Variants in ZPBP observed in about 807,000 individuals in gnomAD.
ZPBP encodes the protein zona pellucida binding protein, also known as zona pellucida-binding protein 1.
Under a neutral mutation model 44.8 loss-of-function variants are expected in ZPBP, and 26 were observed. That is an observed-to-expected ratio of 0.58 (90% confidence interval 0.43 to 0.81). ZPBP has a LOEUF of 0.81. ZPBP is among the 30% of genes least tolerant of loss of function. The pLI, the probability that ZPBP is intolerant of heterozygous loss-of-function variation, is 0.00. For synonymous variants in ZPBP, 174 were observed against 153.2 expected, an observed-to-expected ratio of 1.14 and a Z score of -1.00; for missense variants, 409 against 434.0, an observed-to-expected ratio of 0.94 and a Z score of 0.51.
chr7:49,972,543 G>T (rs1012664121), intron 7 of ZPBP, among the ~76,000 whole-genome samples: 1 of 151,970 alleles, frequency 6.6e-6, no homozygotes, highest in Admixed American at 6.6e-5. Context: ...CAAAAGGCTT[G>T]TACACTGAAA....
chr7:49,925,517 T>C (rs944998214), intron 1 of ZPBP, among the ~76,000 whole-genome samples: 2 of 152,258 alleles, frequency 1.3e-5, no homozygotes, highest in African/African-American at 4.8e-5. Flanking sequence ...CATATGTCTA[T>C]GTGGGATTCT....
At chr7:50,083,331 C>T (rs547714651) in intron 2 of ZPBP, among the ~76,000 whole-genome samples, 2 of 151,958 alleles carry the variant, frequency 1.3e-5, no homozygotes, top group Admixed American at 6.6e-5. Context: ...TCAAGTAAGA[C>T]CTCTGTGGGA....
intron 6 of ZPBP, among the ~76,000 whole-genome samples, chr7:50,008,761 G>A (rs745802713): frequency 6.6e-6 from 1 of 151,998 alleles, no homozygotes; most frequent in Non-Finnish European, 1.5e-5. Context: ...CAAACAATAT[G>A]GTGAAAAGAT....
chr7:49,981,606 ATATAATTATAT>A (rs1796953328), intron 7 of ZPBP, among the ~76,000 whole-genome samples: 1 of 22,680 alleles, frequency 4.4e-5, no homozygotes, highest in Non-Finnish European at 7.5e-5. Flanking sequence ...TATATAAATT[ATATAATTATAT>A]TATATTATAT....
intron 1 of ZPBP, among the ~76,000 whole-genome samples, chr7:49,905,704 G>GA (rs1324493360): frequency 6.6e-6 from 1 of 152,212 alleles, no homozygotes; most frequent in Non-Finnish European, 1.5e-5. Flanking sequence ...AAATGAGGCT[G>GA]AGACCTACTG....
intron 7 of ZPBP, among the ~76,000 whole-genome samples, chr7:49,938,021 C>G: frequency 6.6e-6 from 1 of 152,190 alleles, no homozygotes; most frequent in South Asian, 2.1e-4. Flanking sequence ...TGACAGGAAG[C>G]AGAGCTCAGG....
At chr7:49,948,930 C>T (rs759744959) in intron 7 of ZPBP, among the ~76,000 whole-genome samples, 45 of 152,194 alleles carry the variant, frequency 3.0e-4, no homozygotes, top group Non-Finnish European at 5.3e-4. Flanking sequence ...ATGGACTTAA[C>T]GTTTGTGTCC....
chr7:49,933,094 G>A (rs759245528), downstream of ZPBP, among the ~76,000 whole-genome samples: 3 of 152,088 alleles, frequency 2.0e-5, no homozygotes, highest in Admixed American at 6.5e-5. Context: ...TTGCTGAAAT[G>A]TATGAAATAT....
At chr7:50,063,265 G>C (rs1035655165) in intron 3 of ZPBP, among the ~76,000 whole-genome samples, 3 of 151,972 alleles carry the variant, frequency 2.0e-5, no homozygotes, top group African/African-American at 7.3e-5. Flanking sequence ...GGGGGAATTG[G>C]GTTTTCTTAT....
At chr7:49,969,369 A>G (rs1237596464) in intron 7 of ZPBP, among the ~76,000 whole-genome samples, 1 of 151,276 alleles carries the variant, frequency 6.6e-6, no homozygotes, top group Non-Finnish European at 1.5e-5. Context: ...GATGGAATTG[A>G]CAATTAAGAG....
At chr7:50,014,608 G>C (rs1427210673) in intron 6 of ZPBP, among the ~76,000 whole-genome samples, 1 of 151,344 alleles carries the variant, frequency 6.6e-6, no homozygotes, top group Non-Finnish European at 1.5e-5. Flanking sequence ...GGGATTACAG[G>C]CACCTACCAC....
At chr7:50,029,369 C>T (rs1185447463) in intron 5 of ZPBP, among the ~76,000 whole-genome samples, 1 of 152,062 alleles carries the variant, frequency 6.6e-6, no homozygotes, top group East Asian at 1.9e-4. Flanking sequence ...AGTGTAATAG[C>T]TAAAACTACA....
At chr7:49,890,910 G>A (rs1283479086) in intron 2 of ZPBP, among the ~76,000 whole-genome samples, 5 of 146,546 alleles carry the variant, frequency 3.4e-5, no homozygotes, top group South Asian at 2.1e-4. Context: ...GCCAGGAGAC[G>A]GGTAAACAGG....
intron 3 of ZPBP, among the ~76,000 whole-genome samples, chr7:50,064,540 G>A (rs1460985274): frequency 6.6e-6 from 1 of 152,038 alleles, no homozygotes; most frequent in African/African-American, 2.4e-5. Flanking sequence ...TACGCCCAGG[G>A]GGCCAGTTCA....
intron 7 of ZPBP, among the ~76,000 whole-genome samples, chr7:49,955,372 C>T (rs1186769009): frequency 6.6e-6 from 1 of 152,068 alleles, no homozygotes; most frequent in Non-Finnish European, 1.5e-5. Flanking sequence ...GCCTGGCTAA[C>T]ACGATGAAAC....
chr7:49,853,187 T>C (rs2128717298), intron 2 of ZPBP, among the ~76,000 whole-genome samples: 1 of 152,326 alleles, frequency 6.6e-6, no homozygotes, highest in Non-Finnish European at 1.5e-5. Flanking sequence ...GGATCCCAGT[T>C]TGAAGGTGAG....
chr7:50,027,340 A>G (rs889133881), intron 5 of ZPBP, among the ~76,000 whole-genome samples: 1 of 152,078 alleles, frequency 6.6e-6, no homozygotes, highest in African/African-American at 2.4e-5. Context: ...GTATACAAAT[A>G]TGTGGAAATT....
intron 2 of ZPBP, among the ~76,000 whole-genome samples, chr7:49,861,958 A>G (rs1450940535): frequency 6.6e-6 from 1 of 152,202 alleles, no homozygotes; most frequent in Non-Finnish European, 1.5e-5. Context: ...ATGGTTATCC[A>G]GGGACCTGTG....
At chr7:49,855,150 T>A (rs949085891) in intron 2 of ZPBP, among the ~76,000 whole-genome samples, 14 of 152,232 alleles carry the variant, frequency 9.2e-5, no homozygotes, top group Non-Finnish European at 1.9e-4. Flanking sequence ...CTCACATTAG[T>A]CTTAATAGTT....
Sources: gnomAD v4.1 joint callset for allele counts (sites outside exome capture counted in the v4.1 genomes callset) on GRCh38, gnomAD v4.1.1 for gene constraint, MANE v1.5 for transcripts, NCBI Gene and HGNC (gene_info 2026-07-23, HGNC 2026-07-21) for gene names.